YME1L1: variants seen among roughly 807,000 people sequenced by gnomAD.
The protein encoded by YME1L1 is ATP-dependent zinc metalloprotease YME1L1.
YME1L1 carries 39 observed loss-of-function variants against 90.4 expected under a neutral mutation model. That is an observed-to-expected ratio of 0.43 (90% CI 0.33 to 0.56). YME1L1 has a LOEUF of 0.56. YME1L1 is among the 20% of genes least tolerant of loss of function. YME1L1 has a pLI of 0.03. For synonymous variants in YME1L1, 284 were observed against 287.3 expected (o/e 0.99, Z 0.12); for missense variants, 617 against 868.4 (o/e 0.71, Z 3.64).
chr10:27,151,877 T>C (rs879719751), intron 1 of YME1L1, among the ~76,000 whole-genome samples: 116 of 137,044 alleles, frequency 8.5e-4, no homozygotes, highest in Admixed American at 1.5e-3. Context: ...CGAGACTCCA[T>C]CTTAAAAAAA....
At chr10:27,125,611 T>C (rs1488039541) in intron 9 of YME1L1, among the ~76,000 whole-genome samples, 3 of 151,728 alleles carry the variant, frequency 2.0e-5, no homozygotes, top group Non-Finnish European at 4.4e-5. Flanking sequence ...CTAAATTTGA[T>C]AATGGTTTTG....
chr10:27,125,383 C>T (rs1301743824), intron 9 of YME1L1, among the ~76,000 whole-genome samples: 1 of 139,882 alleles, frequency 7.1e-6, no homozygotes, highest in East Asian at 2.3e-4. Flanking sequence ...CTCTTTGCAA[C>T]TGTAAAAATC....
rs2056979800 is a variant in YME1L1 at position 27,131,787 on chromosome 10, T to C, written c.858+72A>G. 3 of 1,164,522 alleles carry C rather than the reference T, an allele frequency of 2.6e-6. No individual in the cohort carries two copies. In the Admixed American group the frequency reaches 6.8e-5, roughly 26 times the overall value. 72.1% of individuals were successfully genotyped at this position (1,164,522 alleles called of 1,614,324 possible). On this transcript the variant is annotated intron_variant, in intron 8 of 18. Coordinates refer to ENST00000376016, the MANE Select transcript of YME1L1 (RefSeq NM_014263.4). ...ACCTATTCTAGAATACACTGTAGAA[T>C]CAAATATCGACCTCATATAGAGTAT...
intron 4 of YME1L1, among the ~76,000 whole-genome samples, chr10:27,139,921 CTAT>C (rs1293816781): frequency 6.6e-6 from 1 of 151,970 alleles, no homozygotes; most frequent in African/African-American, 2.4e-5. Context: ...CTATTTCCAC[CTAT>C]TATTTTAAAA....
chr10:27,116,570 G>A (rs1424360485), intron 15 of YME1L1, among the ~76,000 whole-genome samples: 2 of 152,114 alleles, frequency 1.3e-5, no homozygotes, highest in Non-Finnish European at 2.9e-5. Context: ...GGAGGCTAAG[G>A]CAGAAGACTC....
At chr10:27,133,066 C>T (rs2056992877) in intron 7 of YME1L1, among the ~76,000 whole-genome samples, 1 of 152,138 alleles carries the variant, frequency 6.6e-6, no homozygotes, top group South Asian at 2.1e-4. Flanking sequence ...TCTAATTGGT[C>T]ACAGGTCTAC....
intron 8 of YME1L1, among the ~76,000 whole-genome samples, chr10:27,130,178 T>C (rs988575509): frequency 6.6e-6 from 1 of 152,200 alleles, no homozygotes; most frequent in Non-Finnish European, 1.5e-5. Context: ...ATCAATAGCA[T>C]TTCACATTGC....
chr10:27,133,395 A>T (rs1241518512), intron 7 of YME1L1, among the ~76,000 whole-genome samples: 1 of 152,224 alleles, frequency 6.6e-6, no homozygotes, highest in East Asian at 1.9e-4. Context: ...TAATTTCCTC[A>T]GAAGAAGCCC....
intron 12 of YME1L1, among the ~76,000 whole-genome samples, chr10:27,120,831 C>T (rs1369893851): frequency 6.6e-6 from 1 of 152,082 alleles, no homozygotes; most frequent in East Asian, 1.9e-4. Flanking sequence ...CAAATAATTC[C>T]ACAACAAACT....
chr10:27,116,018 C>G (rs2056809204), intron 17 of YME1L1, 42 bp downstream of exon 17: 1 of 1,533,478 alleles, frequency 6.5e-7, no homozygotes, highest in African/African-American at 1.4e-5. Context: ...CAACACTTGA[C>G]ACATAATTTG....
At chr10:27,124,628 C>T (rs554424316) in intron 9 of YME1L1, among the ~76,000 whole-genome samples, 1 of 152,232 alleles carries the variant, frequency 6.6e-6, no homozygotes, top group Admixed American at 6.5e-5. Context: ...ATATTAATTT[C>T]TGTGGATTAC....
intron 2 of YME1L1, among the ~76,000 whole-genome samples, chr10:27,147,936 C>T (rs1297420500): frequency 6.6e-6 from 1 of 152,082 alleles, no homozygotes; most frequent in Non-Finnish European, 1.5e-5. Context: ...AGCACGTTAC[C>T]CTGGCATGAC....
At chr10:27,134,181 T>C in intron 6 of YME1L1, 59 bp from the exon 7 acceptor site, 1 of 1,269,342 alleles carries the variant, frequency 7.9e-7, no homozygotes, top group Non-Finnish European at 1.1e-6. Flanking sequence ...GACAGCTCAA[T>C]GAAATGCAAA....
intron 7 of YME1L1, among the ~76,000 whole-genome samples, chr10:27,133,484 T>C (rs7910688): frequency 0.24 from 36,981 of 152,018 alleles, 5,092 homozygotes; most frequent in East Asian, 0.56. Flanking sequence ...ATCAGGAACA[T>C]AGAAGCTGGG....
chr10:27,142,311 T>C (rs953929297), intron 4 of YME1L1, 76 bp downstream of exon 4: 24 of 832,298 alleles, frequency 2.9e-5, no homozygotes, highest in Non-Finnish European at 3.8e-5. Flanking sequence ...TTAGAATTAA[T>C]ACCATTAAGA....
intron 13 of YME1L1, 73 bp from the exon 14 acceptor site, chr10:27,119,522 A>G (rs778446186): frequency 6.7e-7 from 1 of 1,496,306 alleles, no homozygotes; most frequent in Non-Finnish European, 8.9e-7. Context: ...AAGAACTCAC[A>G]TTCCAACTGG....
At position 27,144,234 on chromosome 10, in the gene YME1L1, G is replaced by T. The variant is rs114844170; in HGVS notation, c.331+1194C>A. Reference sequence around the variant, plus strand: ...GTAACAAAAAGAATTTTATTCTATTGAACACTTGGTATGGGCCAAATATTT... The same window carrying T: ...GTAACAAAAAGAATTTTATTCTATTTAACACTTGGTATGGGCCAAATATTT... On this transcript the variant is annotated intron_variant, in intron 3 of 18. Transcript: ENST00000376016. 8.7e-4 allele frequency among the ~76,000 whole-genome samples: 132 copies of T among 152,266 alleles called. 1 individual carries two copies. The highest frequency in any genetic ancestry group is 3.2e-3 in the African/African-American group (132 of 41,558).
intron 3 of YME1L1, among the ~76,000 whole-genome samples, chr10:27,142,778 C>T (rs750741566): frequency 2.0e-5 from 3 of 152,248 alleles, no homozygotes; most frequent in East Asian, 3.9e-4. Flanking sequence ...TGCAGTGGCA[C>T]GACCTCGGCT....
rs927036081 is a variant in YME1L1 at position 27,123,294 on chromosome 10, A to AT, written c.1102+252dup. Among the ~76,000 whole-genome samples the AT allele has an allele frequency of 2.0e-5, 3 of 152,064 alleles. No homozygotes were observed. The East Asian group carries it at 5.8e-4, about 29-fold the overall frequency. The stretch of plus-strand genomic sequence containing the variant: ...GAATAAAATGAAAAAACACTAAGAG[A>AT]TTTTTGGTAGCCTCCAACTTCATCT... On this transcript the variant is annotated intron_variant, in intron 10 of 18. Coordinates refer to ENST00000376016, the MANE Select transcript of YME1L1 (RefSeq NM_014263.4).
Sources: gnomAD v4.1 joint callset for allele counts (sites outside exome capture counted in the v4.1 genomes callset) on GRCh38, gnomAD v4.1.1 for gene constraint, MANE v1.5 for transcripts, NCBI Gene and HGNC (gene_info 2026-07-23, HGNC 2026-07-21) for gene names.